Variants in KDM2A observed in about 807,000 individuals in gnomAD.
The protein encoded by KDM2A is lysine demethylase 2A, also known as lysine-specific demethylase 2A.
In KDM2A, 3 loss-of-function variants were observed where a neutral mutation model predicts 137.3. The observed-to-expected ratio is 0.02, with a 90% CI of 0.01 to 0.06. The LOEUF (loss-of-function observed/expected upper bound fraction) is 0.06. Ranked by LOEUF, KDM2A falls within the 10% of genes least tolerant of loss-of-function variation. KDM2A has a pLI of 1.00. For missense variants in KDM2A, 738 were observed against 1,510.6 expected, an observed-to-expected ratio of 0.49 and a Z score of 8.48; for synonymous variants, 512 against 541.5, an observed-to-expected ratio of 0.95 and a Z score of 0.76.
rs575619510 is a variant in KDM2A, at chr11:67,226,647, G to A, written c.958-1390G>A. Among the ~76,000 whole-genome samples, 19 of 151,624 alleles carry A rather than the reference G, an allele frequency of 1.3e-4. No homozygotes were observed. The East Asian group carries it at 1.8e-3, about 14-fold the overall frequency. On this transcript the variant is annotated intron_variant, in intron 10 of 20. Transcript: ENST00000529006. ...TGAGGCAGGAGAATGGTGTGAACCC[G>A]GGAGGTGGAGCTTGCAGTGAGCCGA...
chr11:67,183,525 A>C (rs1189661854), intron 5 of KDM2A, among the ~76,000 whole-genome samples: 1 of 152,222 alleles, frequency 6.6e-6, no homozygotes, highest in Non-Finnish European at 1.5e-5. Flanking sequence ...AATCTGTCTG[A>C]TACAACTATT....
chr11:67,176,551 GA>G (rs1206600184), intron 2 of KDM2A, among the ~76,000 whole-genome samples: 1 of 152,156 alleles, frequency 6.6e-6, no homozygotes, highest in African/African-American at 2.4e-5. Flanking sequence ...TAACAATGGG[GA>G]TATGTTCTGA....
intron 2 of KDM2A, among the ~76,000 whole-genome samples, chr11:67,141,682 A>ATAT (rs1276401227): frequency 4.2e-5 from 5 of 119,334 alleles, no homozygotes; most frequent in African/African-American, 1.3e-4. Flanking sequence ...AAAAAAAAAA[A>ATAT]ATATATATAT....
chr11:67,215,562 T>C, intron 7 of KDM2A, 116 bp downstream of exon 7: 2 of 707,270 alleles, frequency 2.8e-6, no homozygotes, highest in Non-Finnish European at 5.0e-6. Context: ...AAAAGATGAA[T>C]TATTTAAAGA....
intron 2 of KDM2A, among the ~76,000 whole-genome samples, chr11:67,153,436 C>T (rs184666249): frequency 2.1e-3 from 319 of 152,252 alleles, no homozygotes; most frequent in Non-Finnish European, 2.4e-3. Context: ...TTTAATGTGT[C>T]ATCAAACTTT....
Position 67,139,030 on chromosome 11 carries a change from G to A in KDM2A, c.42+17672G>A, listed in dbSNP as rs558639774. On this transcript the variant is annotated intron_variant, in intron 2 of 20. Coordinates refer to ENST00000529006, the MANE Select transcript of KDM2A (RefSeq NM_012308.3). Reference sequence around the variant, plus strand: ...TTCTAAACCACTAATGGTATCTTAGGCACAGTATCCTTGAATCACAGGCAG... The same window carrying A: ...TTCTAAACCACTAATGGTATCTTAGACACAGTATCCTTGAATCACAGGCAG... Among the ~76,000 whole-genome samples the A allele has an allele frequency of 5.0e-4, 76 of 152,168 alleles. 2 individuals carry two copies. Among genetic ancestry groups the A allele is most frequent in the African/African-American group, 1.7e-3 (69 of 41,484 alleles).
chr11:67,183,061 T>A (rs1857125393), intron 5 of KDM2A, among the ~76,000 whole-genome samples: 1 of 152,202 alleles, frequency 6.6e-6, no homozygotes, highest in African/African-American at 2.4e-5. Context: ...GTCACAGATA[T>A]CCCAGGTAGA....
rs1859596315 is a variant in KDM2A, at chr11:67,255,985, A to G, written c.*930A>G. The G allele has an allele frequency of 5.3e-6, 1 of 189,506 alleles. No individual in the cohort carries two copies. The highest frequency in any genetic ancestry group is 1.1e-5 in the Non-Finnish European group (1 of 90,376). The allele number at this position is 189,506 out of a possible 1,614,324, so 11.7% of individuals were successfully genotyped here. A position where few individuals can be genotyped will look rare whatever the true frequency, so the allele number is the denominator to read the frequency against. On this transcript the variant is annotated 3_prime_UTR_variant, in exon 21 of 21. Coordinates refer to ENST00000529006, the MANE Select transcript of KDM2A (RefSeq NM_012308.3). ...TCCCCCAAGCTGGAGGCGGCAGAGG[A>G]CTGGGCCAAGCCCCAACCTGCCTCC...
intron 13 of KDM2A, among the ~76,000 whole-genome samples, chr11:67,244,636 G>A (rs940264922): frequency 2.0e-5 from 3 of 152,144 alleles, no homozygotes; most frequent in Admixed American, 2.0e-4. Flanking sequence ...AAATACTTTA[G>A]GTTTTGTACA....
At position 67,134,180 on chromosome 11, in the gene KDM2A, T is replaced by G. The variant is rs948893829; in HGVS notation, c.42+12822T>G. The stretch of plus-strand genomic sequence containing the variant: ...GGAGAGAATATGAGTGGATGAGGCT[T>G]TAGACAGTTGGAGATACTAGAAGAT... On this transcript the variant is annotated intron_variant, in intron 2 of 20. Transcript: ENST00000529006. Among the ~76,000 whole-genome samples the G allele has an allele frequency of 4.6e-5, 7 of 152,134 alleles. 1 individual carries two copies. Among genetic ancestry groups the G allele is most frequent in the Admixed American group, 3.9e-4 (6 of 15,254 alleles).
chr11:67,231,861 C>A lies in KDM2A; in HGVS notation c.1380C>A (p.Gly460=). 1 of 1,613,970 alleles carries A rather than the reference C, an allele frequency of 6.2e-7. No homozygotes were observed. The highest frequency in any genetic ancestry group is 1.3e-5 in the African/African-American group (1 of 75,038). ...ATCTGACCCATTTTGAGCTTGAAGG[C>A]CTTCGCTGCCTTGTAGATAAGTTGG... is the stretch of plus-strand genomic sequence containing the variant. ...QVHLTHFELE[G]LRCLVDKLES... Residue 460 remains glycine, a synonymous_variant, in exon 12 of 21, where the codon GGC becomes GGA. Transcript: ENST00000529006.
chr11:67,217,000 T>G (rs946082447), intron 8 of KDM2A, among the ~76,000 whole-genome samples: 1 of 152,022 alleles, frequency 6.6e-6, no homozygotes, highest in Non-Finnish European at 1.5e-5. Context: ...ATCCAACACT[T>G]TGGGAGGCCA....
rs1179207468 is a variant in KDM2A, at chr11:67,252,775, C to G, written c.2850C>G (p.Ile950Met). 2.5e-6 allele frequency: 4 copies of G among 1,613,980 alleles called. No homozygotes were observed. The highest frequency in any genetic ancestry group is 3.4e-6 in the Non-Finnish European group (4 of 1,179,882). Reference protein sequence around the residue: ...AIVPQALSGIIKRQPVSLDLS... With the variant: ...AIVPQALSGIMKRQPVSLDLS... The stretch of plus-strand genomic sequence containing the variant: ...TGCCCCAGGCCCTCAGTGGCATCAT[C>G]AAGAGGCAGCCAGTCAGCCTTGACC... Residue 950 changes from isoleucine to methionine, a missense_variant, in exon 18 of 21, where the codon ATC (isoleucine) becomes ATG (methionine). Around this residue, in one of 9 missense-constraint regions of KDM2A, gnomAD observed 166 missense variants for 324.0 expected, o/e 0.51. Transcript: ENST00000529006.
chr11:67,195,868 T>C (rs993906564), intron 5 of KDM2A: 1 of 275,424 alleles, frequency 3.6e-6, no homozygotes, highest in East Asian at 1.1e-4. Context: ...AGTATTTTAT[T>C]TTCTATTTTA....
intron 6 of KDM2A, among the ~76,000 whole-genome samples, chr11:67,208,192 T>C (rs950881832): frequency 4.0e-5 from 6 of 151,778 alleles, no homozygotes; most frequent in African/African-American, 1.4e-4. Flanking sequence ...AACTGCATTT[T>C]CCGAAATCAT....
intron 2 of KDM2A, among the ~76,000 whole-genome samples, chr11:67,173,571 TAGAAG>T (rs1162117999): frequency 6.6e-6 from 1 of 151,804 alleles, no homozygotes; most frequent in Non-Finnish European, 1.5e-5. Flanking sequence ...TTTGTATTTT[TAGAAG>T]AGACAGGTTT....
chr11:67,197,945 CAT>C lies in KDM2A; in HGVS notation c.308-9562_308-9561del, dbSNP rs1462295228. Among the ~76,000 whole-genome samples, 251 of 152,224 alleles carry C rather than the reference CAT, an allele frequency of 1.6e-3. 1 individual carries two copies. The highest frequency in any genetic ancestry group is 4.4e-4 in the Non-Finnish European group (30 of 68,010). ...ATGGATAATGTAAACAGTTGATTAA[CAT>C]ATTTTATGTTATACATATTATATAC... On this transcript the variant is annotated intron_variant, in intron 5 of 20. Coordinates refer to ENST00000529006, the MANE Select transcript of KDM2A (RefSeq NM_012308.3).
At chr11:67,151,553 G>T (rs962611580) in intron 2 of KDM2A, among the ~76,000 whole-genome samples, 2 of 151,950 alleles carry the variant, frequency 1.3e-5, no homozygotes, top group African/African-American at 4.8e-5. Flanking sequence ...GTTTCACCAT[G>T]TTGGCCAGGC....
intron 2 of KDM2A, among the ~76,000 whole-genome samples, chr11:67,125,830 G>C (rs927686470): frequency 8.0e-5 from 12 of 150,474 alleles, no homozygotes; most frequent in African/African-American, 2.9e-4. Context: ...TGTAATACCA[G>C]CTACTCAGGA....
Sources: gnomAD v4.1 joint callset for allele counts (sites outside exome capture counted in the v4.1 genomes callset) on GRCh38, gnomAD v4.1.1 for gene constraint, gnomAD v4.1.1 regional missense constraint, MANE v1.5 for transcripts, NCBI Gene and HGNC (gene_info 2026-07-23, HGNC 2026-07-21) for gene names.